Variants in MSRB2 observed in about 807,000 individuals in gnomAD.
MSRB2 encodes the protein methionine sulfoxide reductase B2.
A neutral mutation model predicts 19.0 loss-of-function variants in MSRB2; 17 were observed. The ratio of observed to expected loss-of-function variants is 0.89; its 90% CI spans 0.61 to 1.34. MSRB2 has a LOEUF of 1.34. MSRB2 is among the 40% of genes most tolerant of loss of function. The pLI, the probability that MSRB2 is intolerant of heterozygous loss-of-function variation, is 0.00. For synonymous variants in MSRB2, 107 were observed against 99.7 expected, an observed-to-expected ratio of 1.07 and a Z score of -0.44; for missense variants, 208 against 237.6, an observed-to-expected ratio of 0.88 and a Z score of 0.82.
chr10:23,117,169 G>T (rs1029614607), intron 3 of MSRB2, among the ~76,000 whole-genome samples: 1 of 152,184 alleles, frequency 6.6e-6, no homozygotes, highest in African/African-American at 2.4e-5. Flanking sequence ...ACTTGCCAAG[G>T]TGATACAGAT....
intron 1 of MSRB2, among the ~76,000 whole-genome samples, chr10:23,096,352 C>CTCTCTCTGTGTGTGTGTGTGTGTG (rs144653384): frequency 3.5e-5 from 5 of 142,830 alleles, no homozygotes; most frequent in African/African-American, 1.1e-4. Context: ...CTCTCTCTCT[C>CTCTCTCTGTGTGTGTGTGTGTGTG]TGTGTGTGTG....
At chr10:23,118,931 C>T (rs1840148031) in intron 3 of MSRB2, 2 of 416,440 alleles carry the variant, frequency 4.8e-6, no homozygotes, top group South Asian at 3.6e-5. Context: ...ATGATGACTT[C>T]CTCCGAGCAT....
At chr10:23,106,109 C>T (rs1403086684) in intron 2 of MSRB2, among the ~76,000 whole-genome samples, 1 of 152,192 alleles carries the variant, frequency 6.6e-6, no homozygotes, top group Non-Finnish European at 1.5e-5. Context: ...CTGTGGGCTT[C>T]TCAAACAGAT....
At chr10:23,104,385 G>T in intron 2 of MSRB2, 141 bp downstream of exon 2, 1 of 595,342 alleles carries the variant, frequency 1.7e-6, no homozygotes, top group East Asian at 3.2e-5. Flanking sequence ...CCTTCTCGGG[G>T]TGTTGATATC....
chr10:23,105,273 T>C (rs7094224), intron 2 of MSRB2, among the ~76,000 whole-genome samples: 27,811 of 151,652 alleles, frequency 0.18, 3,091 homozygotes, highest in South Asian at 0.26. Flanking sequence ...TTGAGAAAAT[T>C]TGTTACACAT....
At chr10:23,105,236 G>GTGTC (rs1839974228) in intron 2 of MSRB2, among the ~76,000 whole-genome samples, 1 of 151,964 alleles carries the variant, frequency 6.6e-6, no homozygotes, top group Non-Finnish European at 1.5e-5. Flanking sequence ...GTGTGTGTGT[G>GTGTC]TGTGTGTATA....
At chr10:23,111,393 G>A (rs1028833615) in intron 3 of MSRB2, among the ~76,000 whole-genome samples, 1 of 152,230 alleles carries the variant, frequency 6.6e-6, no homozygotes, top group Non-Finnish European at 1.5e-5. Flanking sequence ...TTCAGCCATA[G>A]AACCATGCTG....
chr10:23,119,198 G>A (rs1840152428), intron 3 of MSRB2, 106 bp from the exon 4 acceptor site: 1 of 1,392,990 alleles, frequency 7.2e-7, no homozygotes, highest in African/African-American at 1.4e-5. Context: ...TCTGGCAGAG[G>A]AGAGTGGGAA....
intron 1 of MSRB2, 21 bp downstream of exon 1, chr10:23,095,747 G>T: frequency 8.2e-7 from 1 of 1,225,318 alleles, no homozygotes; most frequent in Non-Finnish European, 1.0e-6. Context: ...GGTCCCGCAG[G>T]CCCCGCCGCC....
chr10:23,111,846 A>T, intron 3 of MSRB2, among the ~76,000 whole-genome samples: 1 of 134,358 alleles, frequency 7.4e-6, no homozygotes, highest in African/African-American at 2.9e-5. Context: ...CTTAAATTTA[A>T]TTTTAATTAA....
chr10:23,110,367 C>A, intron 3 of MSRB2, 49 bp downstream of exon 3: 3 of 1,435,370 alleles, frequency 2.1e-6, no homozygotes, highest in Non-Finnish European at 2.9e-6. Context: ...CCTCCAGGTT[C>A]TTACTGCTTT....
chr10:23,116,139 G>A (rs945328154), intron 3 of MSRB2, among the ~76,000 whole-genome samples: 1 of 152,200 alleles, frequency 6.6e-6, no homozygotes, highest in Non-Finnish European at 1.5e-5. Flanking sequence ...CAACTCAAGT[G>A]CCATGTGTCA....
At chr10:23,095,987 T>C (rs997592468) in intron 1 of MSRB2, among the ~76,000 whole-genome samples, 19 of 151,872 alleles carry the variant, frequency 1.3e-4, no homozygotes, top group African/African-American at 4.6e-4. Flanking sequence ...TAATTTTTTT[T>C]TTCTTGGCTC....
At chr10:23,101,812 GT>G (rs1391542912) in intron 1 of MSRB2, among the ~76,000 whole-genome samples, 1 of 152,166 alleles carries the variant, frequency 6.6e-6, no homozygotes, top group Non-Finnish European at 1.5e-5. Context: ...GGAGAAGATA[GT>G]TTTTTAAATA....
At chr10:23,101,239 TATGA>T (rs1188725147) in intron 1 of MSRB2, among the ~76,000 whole-genome samples, 8 of 152,202 alleles carry the variant, frequency 5.3e-5, no homozygotes, top group Non-Finnish European at 8.8e-5. Context: ...AGCTCCCACT[TATGA>T]ATGAGAACAT....
intron 2 of MSRB2, among the ~76,000 whole-genome samples, chr10:23,105,545 A>T (rs1839979567): frequency 6.6e-6 from 1 of 152,054 alleles, no homozygotes; most frequent in South Asian, 2.1e-4. Context: ...TTTAGCTCTC[A>T]CATATAAATG....
intron 1 of MSRB2, among the ~76,000 whole-genome samples, chr10:23,103,419 A>C (rs1256992581): frequency 6.6e-6 from 1 of 152,222 alleles, no homozygotes; most frequent in Admixed American, 6.5e-5. Flanking sequence ...AAAAACATTT[A>C]TTATAGGAGT....
chr10:23,116,097 T>C (rs1034747796), intron 3 of MSRB2, among the ~76,000 whole-genome samples: 1 of 152,134 alleles, frequency 6.6e-6, no homozygotes, highest in East Asian at 1.9e-4. Flanking sequence ...ATTTCTGGTA[T>C]TAATAATAAA....
At chr10:23,104,932 A>G (rs180692111) in intron 2 of MSRB2, among the ~76,000 whole-genome samples, 39 of 152,256 alleles carry the variant, frequency 2.6e-4, no homozygotes, top group African/African-American at 9.1e-4. Flanking sequence ...ACCTTCTCCT[A>G]GCCCCCAGCT....
Sources: gnomAD v4.1 joint callset for allele counts (sites outside exome capture counted in the v4.1 genomes callset) on GRCh38, gnomAD v4.1.1 for gene constraint, MANE v1.5 for transcripts, NCBI Gene and HGNC (gene_info 2026-07-23, HGNC 2026-07-21) for gene names.